The following PRKG1 variants were observed in gnomAD, a reference collection of about 807,000 sequenced individuals.
PRKG1 encodes cGMP-dependent protein kinase 1.
PRKG1 carries 35 observed loss-of-function variants against 88.1 expected under a neutral mutation model. The observed-to-expected ratio is 0.40, with a 90% confidence interval of 0.30 to 0.53. PRKG1 has a LOEUF of 0.53. Among genes scored for constraint, PRKG1 ranks in the 20% least tolerant of loss-of-function variants. The probability of loss-of-function intolerance (pLI) is 0.59; values close to 1 mark genes in which losing one functional copy is unlikely to be tolerated. For missense variants in PRKG1, 540 were observed against 839.8 expected (o/e 0.64, Z 4.41); for synonymous variants, 303 against 292.5 (o/e 1.04, Z -0.37).
intron 1 of PRKG1, among the ~76,000 whole-genome samples, chr10:51,089,736 C>A (rs148450611): frequency 6.6e-6 from 1 of 152,154 alleles, no homozygotes; most frequent in Non-Finnish European, 1.5e-5. Flanking sequence ...TTCATTTATG[C>A]CTCACAATAC....
chr10:51,682,670 A>G (rs1310681732), intron 3 of PRKG1, among the ~76,000 whole-genome samples: 5 of 152,238 alleles, frequency 3.3e-5, no homozygotes, highest in Non-Finnish European at 7.3e-5. Context: ...TTTATCAAAC[A>G]GTCCTCCTAA....
At chr10:51,725,265 C>T (rs1424465290) in intron 3 of PRKG1, among the ~76,000 whole-genome samples, 1 of 152,174 alleles carries the variant, frequency 6.6e-6, no homozygotes, top group East Asian at 1.9e-4. Context: ...ACAACGAAAA[C>T]TTCAGTTTAA....
At chr10:51,253,828 C>T (rs192115399) in intron 2 of PRKG1, among the ~76,000 whole-genome samples, 2 of 152,040 alleles carry the variant, frequency 1.3e-5, no homozygotes, top group Admixed American at 6.6e-5. Flanking sequence ...GTCAAAGGAA[C>T]GTAGATCTTA....
At chr10:51,094,087 G>A (rs1844465936) in intron 1 of PRKG1, among the ~76,000 whole-genome samples, 1 of 151,768 alleles carries the variant, frequency 6.6e-6, no homozygotes, top group Admixed American at 6.6e-5. Flanking sequence ...TTGTCTATCC[G>A]GATCTAGGCT....
rs74131724 is a variant in PRKG1, at chr10:51,093,123, C to T, written c.311+18222C>T. ...AGCAAAACCTAAAAGATATAGAGAC[C>T]CTGCGGTTCTCAAAGTGTGAGCCCT... is the stretch of plus-strand genomic sequence containing the variant. On this transcript the variant is annotated intron_variant, in intron 1 of 17. Transcript: ENST00000373980. 3.8e-3 allele frequency among the ~76,000 whole-genome samples: 574 copies of T among 152,138 alleles called. 3 individuals carry two copies. Among genetic ancestry groups the T allele is most frequent in the African/African-American group, 0.013 (557 of 41,510 alleles).
intron 5 of PRKG1, among the ~76,000 whole-genome samples, chr10:52,033,959 T>G: frequency 8.2e-5 from 10 of 122,070 alleles, no homozygotes; most frequent in South Asian, 6.2e-4. Flanking sequence ...GCAGTGGGGG[T>G]CGCAAGGTGC....
At chr10:51,274,187 A>G (rs189040855) in intron 2 of PRKG1, among the ~76,000 whole-genome samples, 4 of 152,212 alleles carry the variant, frequency 2.6e-5, no homozygotes, top group African/African-American at 9.6e-5. Flanking sequence ...TGCTGCTGTT[A>G]ACTTTGAAAA....
At chr10:51,749,051 T>C (rs189877556) in intron 3 of PRKG1, among the ~76,000 whole-genome samples, 3 of 152,320 alleles carry the variant, frequency 2.0e-5, no homozygotes, top group Admixed American at 6.5e-5. Flanking sequence ...TTTAATGAAC[T>C]TGCATAGAAG....
intron 3 of PRKG1, among the ~76,000 whole-genome samples, chr10:51,663,979 CT>C (rs1840363555): frequency 6.6e-6 from 1 of 151,838 alleles, no homozygotes; most frequent in Non-Finnish European, 1.5e-5. Flanking sequence ...TTAATTTCTA[CT>C]TTAAAAATTA....
chr10:52,067,536 C>T (rs1337629652), intron 7 of PRKG1, among the ~76,000 whole-genome samples: 1 of 152,102 alleles, frequency 6.6e-6, no homozygotes, highest in Non-Finnish European at 1.5e-5. Flanking sequence ...AGTTCTGCCT[C>T]TAAAAGTAAC....
chr10:51,502,477 AGTC>A (rs557148201), intron 3 of PRKG1, among the ~76,000 whole-genome samples: 70 of 152,274 alleles, frequency 4.6e-4, no homozygotes, highest in African/African-American at 1.7e-3. Flanking sequence ...ACAAGGAATG[AGTC>A]TATGTTTATT....
intron 1 of PRKG1, among the ~76,000 whole-genome samples, chr10:51,104,664 G>T (rs1182355068): frequency 1.3e-5 from 2 of 150,516 alleles, no homozygotes; most frequent in African/African-American, 4.9e-5. Flanking sequence ...TGATTACAGG[G>T]GGCGCTACCA....
rs141275020 is a variant in PRKG1, at chr10:51,124,499, G to A, written c.312-28665G>A. 2.0e-3 allele frequency among the ~76,000 whole-genome samples: 311 copies of A among 152,230 alleles called. 2 individuals are homozygous for A. Among genetic ancestry groups the A allele is most frequent in the African/African-American group, 7.2e-3 (301 of 41,534 alleles). ...AAAGTTGACCCATGTTTGTGGGTGT[G>A]GGACTTGATAGCGTGGGAGGGAGAT... On this transcript the variant is annotated intron_variant, in intron 1 of 17. Transcript: ENST00000373980.
intron 1 of PRKG1, among the ~76,000 whole-genome samples, chr10:51,051,590 C>T (rs1843561835): frequency 6.6e-6 from 1 of 152,124 alleles, no homozygotes; most frequent in South Asian, 2.1e-4. Flanking sequence ...GATCCCAGGA[C>T]TTCAGCATAT....
chr10:51,935,602 C>G (rs1842784286), intron 5 of PRKG1, among the ~76,000 whole-genome samples: 1 of 152,114 alleles, frequency 6.6e-6, no homozygotes, highest in South Asian at 2.1e-4. Flanking sequence ...ATCACTCAGT[C>G]ATGAAAGACT....
At chr10:51,547,134 A>C (rs1400348376) in intron 3 of PRKG1, among the ~76,000 whole-genome samples, 1 of 152,120 alleles carries the variant, frequency 6.6e-6, no homozygotes, top group Admixed American at 6.6e-5. Flanking sequence ...ATATACATAC[A>C]GACATGGAAT....
intron 1 of PRKG1, among the ~76,000 whole-genome samples, chr10:51,001,087 A>G (rs1842884156): frequency 6.6e-6 from 1 of 152,202 alleles, no homozygotes; most frequent in East Asian, 1.9e-4. Flanking sequence ...TTAATACATC[A>G]TCAGAAAAAC....
chr10:51,082,067 C>CTT (rs148382124), intron 1 of PRKG1, among the ~76,000 whole-genome samples: 4 of 152,010 alleles, frequency 2.6e-5, no homozygotes, highest in African/African-American at 9.7e-5. Context: ...ACCTGATCAT[C>CTT]TTTTTTTTAG....
chr10:51,750,124 C>T (rs1310038554), intron 3 of PRKG1, among the ~76,000 whole-genome samples: 2 of 151,874 alleles, frequency 1.3e-5, no homozygotes. Flanking sequence ...TTAGTAGAGA[C>T]AGGGTTTCAT....
Sources: gnomAD v4.1 joint callset for allele counts (sites outside exome capture counted in the v4.1 genomes callset) on GRCh38, gnomAD v4.1.1 for gene constraint, MANE v1.5 for transcripts, NCBI Gene and HGNC (gene_info 2026-07-23, HGNC 2026-07-21) for gene names.